ZNF782: variants seen among roughly 807,000 people sequenced by gnomAD.
ZNF782 encodes zinc finger protein 782.
ZNF782 carries 12 observed loss-of-function variants against 13.0 expected under a neutral mutation model. That is an observed-to-expected ratio of 0.92 (90% CI 0.59 to 1.50). The LOEUF (loss-of-function observed/expected upper bound fraction) is 1.50, where lower values mean the gene tolerates loss of function less well. Among genes scored for constraint, ZNF782 ranks in the 40% most tolerant of loss-of-function variants. ZNF782 has a pLI of 0.00. For synonymous variants in ZNF782, 284 were observed against 283.0 expected (o/e 1.00, Z -0.04); for missense variants, 770 against 822.9 (o/e 0.94, Z 0.79).
In ZNF782 at chr9:96,844,923, T is replaced by A; in HGVS notation, c.109A>T (p.Met37Leu). The part of the protein sequence containing the change: ...PVERTLYRDV[M>L]LENYSHLVSV... ...ACGAGGTGGCTGTAGTTCTCCAGCA[T>A]CACATCTCTGTACAGGGTCCTCTCA... The change falls in exon 4 of 6, where the codon ATG (methionine) becomes TTG (leucine). Residue 37 changes from methionine (M) to leucine (L), a missense_variant. Physicochemically the swap from Met to Leu is conservative, Grantham distance 15 (BLOSUM62 2). Coordinates refer to ENST00000481138, the MANE Select transcript of ZNF782 (RefSeq NM_001001662.3). 3.7e-6 allele frequency: 6 copies of A among 1,613,968 alleles called. No homozygotes were observed. The highest frequency in any genetic ancestry group is 5.1e-6 in the Non-Finnish European group (6 of 1,179,924).
chr9:96,881,108 T>C, the ZNF782 span, among the ~76,000 whole-genome samples: 68 of 152,072 alleles, frequency 4.5e-4, no homozygotes, highest in Middle Eastern at 3.4e-3. Context: ...GTTCTATAGT[T>C]AGAACCCCTG....
chr9:96,855,777 T>C (rs1261708290), upstream of ZNF782, among the ~76,000 whole-genome samples: 1 of 152,236 alleles, frequency 6.6e-6, no homozygotes, highest in Non-Finnish European at 1.5e-5. Flanking sequence ...TACCCAGTAG[T>C]GGGATTGCTG....
chr9:96,887,939 G>C, the ZNF782 span: 20 of 146,902 alleles, frequency 1.4e-4, no homozygotes, highest in African/African-American at 4.5e-4. Flanking sequence ...AACACCACAT[G>C]TTCTCACTCA....
the ZNF782 span, among the ~76,000 whole-genome samples, chr9:96,883,937 C>T: frequency 2.6e-5 from 4 of 152,142 alleles, no homozygotes; most frequent in Non-Finnish European, 5.9e-5. Context: ...GACAATGAAA[C>T]AAAAGCCTTA....
At chr9:96,848,786 C>T (rs1455979187) in intron 3 of ZNF782, among the ~76,000 whole-genome samples, 2 of 152,098 alleles carry the variant, frequency 1.3e-5, no homozygotes, top group African/African-American at 4.8e-5. Flanking sequence ...CAATTCTCAT[C>T]AAAATACCAA....
At chr9:96,872,366 A>G (rs1335935328) in intron 1 of ZNF782, among the ~76,000 whole-genome samples, 1 of 152,086 alleles carries the variant, frequency 6.6e-6, no homozygotes, top group African/African-American at 2.4e-5. Flanking sequence ...CCTCATCTCT[A>G]CTAAAAATAC....
chr9:96,853,536 T>C (rs1851564924), intron 1 of ZNF782, among the ~76,000 whole-genome samples: 2 of 152,138 alleles, frequency 1.3e-5, no homozygotes, highest in African/African-American at 4.8e-5. Flanking sequence ...TAGAATTCTT[T>C]ACATCAGACT....
At chr9:96,843,002 C>T (rs2118703652) in intron 4 of ZNF782, among the ~76,000 whole-genome samples, 1 of 152,186 alleles carries the variant, frequency 6.6e-6, no homozygotes, top group South Asian at 2.1e-4. Context: ...TGAGATATTG[C>T]TATACACCTG....
the ZNF782 span, among the ~76,000 whole-genome samples, chr9:96,915,447 G>C: frequency 6.7e-6 from 1 of 150,164 alleles, no homozygotes; most frequent in Non-Finnish European, 1.5e-5. Context: ...GGGAGGCCAA[G>C]GCGGGCAGAT....
intron 4 of ZNF782, among the ~76,000 whole-genome samples, chr9:96,829,554 G>A (rs1264784197): frequency 6.6e-6 from 1 of 152,104 alleles, no homozygotes; most frequent in Non-Finnish European, 1.5e-5. Context: ...ATAATTTATA[G>A]AAGTAGATTA....
upstream of ZNF782, among the ~76,000 whole-genome samples, chr9:96,856,499 C>T (rs567240039): frequency 1.3e-5 from 2 of 152,276 alleles, no homozygotes; most frequent in African/African-American, 2.4e-5. Context: ...GTCCTGCATG[C>T]GAATGATCAA....
chr9:96,878,193 C>T (rs1020841444), upstream of ZNF782, among the ~76,000 whole-genome samples: 6 of 152,168 alleles, frequency 3.9e-5, no homozygotes, highest in African/African-American at 1.2e-4. Context: ...GGATTACAGG[C>T]GCGCGCCACC....
the ZNF782 span, among the ~76,000 whole-genome samples, chr9:96,884,668 CTG>C: frequency 3.3e-5 from 5 of 152,174 alleles, no homozygotes; most frequent in Non-Finnish European, 7.3e-5. Context: ...AGGAAGATGA[CTG>C]TGGGATGAAG....
the ZNF782 span, among the ~76,000 whole-genome samples, chr9:96,927,286 T>C: frequency 6.6e-6 from 1 of 152,130 alleles, no homozygotes; most frequent in Non-Finnish European, 1.5e-5. Context: ...TGTCTCAGAA[T>C]GGACGTGGGT....
At chr9:96,878,329 C>A (rs1851919098), upstream of ZNF782, among the ~76,000 whole-genome samples, 1 of 152,202 alleles carries the variant, frequency 6.6e-6, no homozygotes, top group Admixed American at 6.5e-5. Context: ...GGATTACAGG[C>A]GTGAGCCACC....
chr9:96,905,891 C>T, the ZNF782 span, among the ~76,000 whole-genome samples: 361 of 151,500 alleles, frequency 2.4e-3, 1 homozygote, highest in Non-Finnish European at 3.7e-3. Flanking sequence ...GCCTATTCCT[C>T]TACTTTCTTA....
the ZNF782 span, chr9:96,931,879 C>T: frequency 6.2e-7 from 1 of 1,612,458 alleles, no homozygotes; most frequent in East Asian, 2.2e-5. Flanking sequence ...TGCTCTCTGC[C>T]TTCCCCAGCA....
At chr9:96,900,519 C>G in the ZNF782 span, among the ~76,000 whole-genome samples, 1 of 152,110 alleles carries the variant, frequency 6.6e-6, no homozygotes, top group African/African-American at 2.4e-5. Flanking sequence ...GCGGGGGGAT[C>G]ACCTGAGGTC....
At chr9:96,823,381 T>C (rs562052657) in intron 5 of ZNF782, among the ~76,000 whole-genome samples, 9 of 152,378 alleles carry the variant, frequency 5.9e-5, no homozygotes, top group Admixed American at 5.9e-4. Context: ...GTTTCCATTT[T>C]TCCTCAGAAC....
Sources: allele counts gnomAD v4.1 joint callset (sites outside exome capture counted in the v4.1 genomes callset), GRCh38; gene constraint gnomAD v4.1.1; transcripts MANE v1.5; gene names NCBI Gene and HGNC (gene_info 2026-07-23, HGNC 2026-07-21).